MAGI1: variants seen among roughly 807,000 people sequenced by gnomAD.
MAGI1 encodes membrane-associated guanylate kinase, WW and PDZ domain-containing protein 1.
A neutral mutation model predicts 139.9 loss-of-function variants in MAGI1; 58 were observed. That is an observed-to-expected ratio of 0.41 (90% CI 0.34 to 0.52). MAGI1 has a LOEUF of 0.52. MAGI1 is among the 20% of genes least tolerant of loss of function. The probability of loss-of-function intolerance (pLI) is 0.12; values close to 1 mark genes in which losing one functional copy is unlikely to be tolerated. For synonymous variants in MAGI1, 812 were observed against 737.9 expected (o/e 1.10, Z -1.63); for missense variants, 1,874 against 1,901.6 (o/e 0.99, Z 0.27).
chr3:65,733,284 TCCTGA>T (rs1467829038), intron 1 of MAGI1, among the ~76,000 whole-genome samples: 16 of 152,196 alleles, frequency 1.1e-4, no homozygotes, highest in Non-Finnish European at 2.2e-4. Flanking sequence ...AGTCTCGAAC[TCCTGA>T]CCTCAGGTGA....
At chr3:65,495,056 A>C (rs2107676121) in intron 2 of MAGI1, among the ~76,000 whole-genome samples, 1 of 152,302 alleles carries the variant, frequency 6.6e-6, no homozygotes, top group African/African-American at 2.4e-5. Context: ...CTGGCAGGTG[A>C]TGACAAATCC....
At chr3:65,801,268 G>C (rs1387224612) in intron 1 of MAGI1, among the ~76,000 whole-genome samples, 1 of 152,172 alleles carries the variant, frequency 6.6e-6, no homozygotes, top group Admixed American at 6.5e-5. Flanking sequence ...CACTGATGCA[G>C]ACAATACCAA....
At chr3:65,880,513 T>A (rs1191476721) in intron 1 of MAGI1, among the ~76,000 whole-genome samples, 1 of 152,142 alleles carries the variant, frequency 6.6e-6, no homozygotes, top group African/African-American at 2.4e-5. Flanking sequence ...GAGCTATATG[T>A]TGGCAGGACA....
chr3:65,778,035 T>A (rs1485746850), intron 1 of MAGI1, among the ~76,000 whole-genome samples: 1 of 152,132 alleles, frequency 6.6e-6, no homozygotes, highest in Non-Finnish European at 1.5e-5. Context: ...AGTACATACA[T>A]CATATTAGGC....
At chr3:65,470,233 A>G in intron 5 of MAGI1, 50 bp downstream of exon 5, 1 of 1,320,878 alleles carries the variant, frequency 7.6e-7, no homozygotes, top group Non-Finnish European at 1.1e-6. Flanking sequence ...GAGGGAAGGA[A>G]GGGAAAAGAA....
At chr3:65,970,522 T>TAA (rs10576566) in intron 1 of MAGI1, among the ~76,000 whole-genome samples, 8 of 141,450 alleles carry the variant, frequency 5.7e-5, no homozygotes, top group South Asian at 2.3e-4. Context: ...ACAATTTTGT[T>TAA]AAAAAAAAAA....
At chr3:65,817,549 T>C (rs1278583180) in intron 1 of MAGI1, among the ~76,000 whole-genome samples, 1 of 152,226 alleles carries the variant, frequency 6.6e-6, no homozygotes, top group Non-Finnish European at 1.5e-5. Flanking sequence ...AACATACTGA[T>C]ATACTTCTTG....
intron 1 of MAGI1, among the ~76,000 whole-genome samples, chr3:65,918,334 T>C (rs1183954210): frequency 6.6e-6 from 1 of 151,602 alleles, no homozygotes; most frequent in Non-Finnish European, 1.5e-5. Flanking sequence ...AAATCTGGGG[T>C]TGGGAACATA....
intron 2 of MAGI1, among the ~76,000 whole-genome samples, chr3:65,595,387 C>A (rs2082142487): frequency 6.6e-6 from 1 of 152,138 alleles, no homozygotes; most frequent in Non-Finnish European, 1.5e-5. Flanking sequence ...TAATAAAGCC[C>A]ATGTGAAACT....
At chr3:65,647,958 G>T (rs79573416) in intron 1 of MAGI1, among the ~76,000 whole-genome samples, 7 of 152,098 alleles carry the variant, frequency 4.6e-5, no homozygotes, top group African/African-American at 1.7e-4. Flanking sequence ...GCAAAAAAGA[G>T]CCAGAAAAGT....
chr3:65,966,228 T>C (rs190705386), intron 1 of MAGI1, among the ~76,000 whole-genome samples: 5 of 152,282 alleles, frequency 3.3e-5, no homozygotes, highest in Admixed American at 1.3e-4. Context: ...GTAATTCCTA[T>C]TCAGCTAAGT....
At chr3:65,548,509 CTCTT>C (rs1559659724) in intron 2 of MAGI1, among the ~76,000 whole-genome samples, 2 of 117,404 alleles carry the variant, frequency 1.7e-5, no homozygotes, top group South Asian at 6.1e-4. Context: ...GCAAACAACA[CTCTT>C]TTTTTTTTTT....
intron 1 of MAGI1, among the ~76,000 whole-genome samples, chr3:65,979,920 T>C (rs2065478203): frequency 6.6e-6 from 1 of 152,138 alleles, no homozygotes; most frequent in Admixed American, 6.5e-5. Flanking sequence ...ATCTTGAAAG[T>C]ATGTGCGGGT....
At chr3:65,896,486 A>G (rs865854) in intron 1 of MAGI1, among the ~76,000 whole-genome samples, 7,148 of 152,272 alleles carry the variant, frequency 0.047, 422 homozygotes, top group African/African-American at 0.13. Context: ...AGATTTAGCT[A>G]CAAGGACATT....
At chr3:65,788,700 G>A (rs1305904167) in intron 1 of MAGI1, among the ~76,000 whole-genome samples, 3 of 152,116 alleles carry the variant, frequency 2.0e-5, no homozygotes, top group African/African-American at 7.2e-5. Flanking sequence ...AAGTGTCTCA[G>A]AAAGCATTAA....
At chr3:65,417,164 C>T (rs758951100) in intron 12 of MAGI1, among the ~76,000 whole-genome samples, 20 of 152,100 alleles carry the variant, frequency 1.3e-4, no homozygotes, top group Non-Finnish European at 2.8e-4. Flanking sequence ...CACACTGGGG[C>T]CTGTCGGAGG....
chr3:65,801,953 G>C (rs945799209), intron 1 of MAGI1, among the ~76,000 whole-genome samples: 2 of 152,052 alleles, frequency 1.3e-5, no homozygotes, highest in Admixed American at 6.6e-5. Flanking sequence ...TCAATTCCCA[G>C]AGGACCATGA....
At chr3:65,726,216 C>A (rs2033589295) in intron 1 of MAGI1, among the ~76,000 whole-genome samples, 1 of 152,024 alleles carries the variant, frequency 6.6e-6, no homozygotes, top group Non-Finnish European at 1.5e-5. Flanking sequence ...TAAGCTATGC[C>A]ACCTGGAGAA....
intron 1 of MAGI1, among the ~76,000 whole-genome samples, chr3:65,680,760 A>AATGATATGATATGAT (rs1553690349): frequency 0.02 from 2,714 of 135,128 alleles, 25 homozygotes; most frequent in Non-Finnish European, 0.024. Context: ...ATAATATAAT[A>AATGATATGATATGAT]ATGATATGAT....
Sources: allele counts gnomAD v4.1 joint callset (sites outside exome capture counted in the v4.1 genomes callset), GRCh38; gene constraint gnomAD v4.1.1; transcripts MANE v1.5; gene names NCBI Gene and HGNC (gene_info 2026-07-23, HGNC 2026-07-21).